TRAPPC13: variants seen among roughly 807,000 people sequenced by gnomAD.
TRAPPC13 encodes the protein trafficking protein particle complex subunit 13.
In TRAPPC13, 39 loss-of-function variants were observed where a neutral mutation model predicts 54.0. The ratio of observed to expected loss-of-function variants is 0.72; its 90% CI spans 0.56 to 0.94. The LOEUF is 0.94. TRAPPC13 is among the 40% of genes least tolerant of loss of function. The probability of loss-of-function intolerance (pLI) is 0.00; values close to 1 mark genes in which losing one functional copy is unlikely to be tolerated. For synonymous variants in TRAPPC13, 148 were observed against 167.7 expected, an observed-to-expected ratio of 0.88 and a Z score of 0.91; for missense variants, 386 against 488.1, an observed-to-expected ratio of 0.79 and a Z score of 1.97.
chr5:65,638,909 T>C (rs1179996620), intron 4 of TRAPPC13, among the ~76,000 whole-genome samples: 2 of 151,930 alleles, frequency 1.3e-5, no homozygotes, highest in Non-Finnish European at 2.9e-5. Context: ...CGTGGTGAAA[T>C]ACCATCTCTA....
At chr5:65,658,644 AGTTTCCACATACCCTC>A in intron 9 of TRAPPC13, 143 bp downstream of exon 9, 1 of 535,652 alleles carries the variant, frequency 1.9e-6, no homozygotes, top group Non-Finnish European at 2.9e-6. Flanking sequence ...CAGAAAGTAG[AGTTTCCACATACCCTC>A]TTCCACTCCT....
Position 65,660,734 on chromosome 5 carries a change from C to T in TRAPPC13, c.734C>T (p.Pro245Leu). ...TTTGGGTCAAGAGCATATTTGCAAC[C>T]AATGGATACACGCCAGTACTTATAC... ...STFGSRAYLQ[P>L]MDTRQYLYCL... Residue 245 changes from proline (P) to leucine (L), a missense_variant, in exon 10 of 13, where the codon CCA becomes CTA. Coordinates refer to ENST00000399438, the MANE Select transcript of TRAPPC13 (RefSeq NM_024941.4). 1 of 1,611,750 alleles carries T rather than the reference C, an allele frequency of 6.2e-7. No homozygotes were observed. The highest frequency in any genetic ancestry group is 8.5e-7 in the Non-Finnish European group (1 of 1,178,882).
intron 4 of TRAPPC13, among the ~76,000 whole-genome samples, chr5:65,642,070 C>G (rs1290285995): frequency 6.6e-6 from 1 of 152,078 alleles, no homozygotes; most frequent in Non-Finnish European, 1.5e-5. Flanking sequence ...CGCCTGTAAT[C>G]CCAGCACTTT....
intron 6 of TRAPPC13, among the ~76,000 whole-genome samples, chr5:65,651,239 T>C (rs370495863): frequency 2.0e-3 from 301 of 152,154 alleles, no homozygotes; most frequent in African/African-American, 6.6e-3. Context: ...CAACATGACC[T>C]AGGACTACAG....
chr5:65,649,134 T>C (rs1756323208), intron 5 of TRAPPC13, among the ~76,000 whole-genome samples: 1 of 152,162 alleles, frequency 6.6e-6, no homozygotes, highest in African/African-American at 2.4e-5. Flanking sequence ...GAGGATTGCT[T>C]GAGCCCAGGA....
chr5:65,659,781 C>G (rs894957639), intron 9 of TRAPPC13, among the ~76,000 whole-genome samples: 4 of 151,910 alleles, frequency 2.6e-5, no homozygotes, highest in African/African-American at 9.7e-5. Flanking sequence ...GCTATGAGTT[C>G]TAGACCAACC....
At chr5:65,657,755 C>T (rs933914063) in intron 8 of TRAPPC13, among the ~76,000 whole-genome samples, 1 of 152,164 alleles carries the variant, frequency 6.6e-6, no homozygotes, top group Non-Finnish European at 1.5e-5. Flanking sequence ...TTTAAAAGCT[C>T]TACGATGGTG....
At chr5:65,641,703 CCTGT>C (rs1459898072) in intron 4 of TRAPPC13, among the ~76,000 whole-genome samples, 3 of 132,536 alleles carry the variant, frequency 2.3e-5, no homozygotes, top group Non-Finnish European at 4.9e-5. Context: ...AGGGCAATAC[CCTGT>C]CTGAGAAAAA....
chr5:65,633,404 G>A (rs11743257), intron 1 of TRAPPC13, among the ~76,000 whole-genome samples: 28,868 of 151,674 alleles, frequency 0.19, 3,383 homozygotes, highest in South Asian at 0.31. Flanking sequence ...CTCAGCCTCT[G>A]CGAGTAGCTG....
At chr5:65,659,984 A>C in intron 9 of TRAPPC13, among the ~76,000 whole-genome samples, 1 of 149,880 alleles carries the variant, frequency 6.7e-6, no homozygotes, top group Non-Finnish European at 1.5e-5. Context: ...AAAAAAAAAA[A>C]AAAAAAGAAG....
intron 10 of TRAPPC13, 48 bp from the exon 11 acceptor site, chr5:65,662,001 GA>G: frequency 7.1e-7 from 1 of 1,405,082 alleles, no homozygotes; most frequent in Admixed American, 2.4e-5. Flanking sequence ...CATTAAAATG[GA>G]AAGGTTTTGT....
intron 1 of TRAPPC13, among the ~76,000 whole-genome samples, chr5:65,634,550 A>G (rs1212554472): frequency 6.6e-6 from 1 of 152,118 alleles, no homozygotes; most frequent in Non-Finnish European, 1.5e-5. Context: ...ATAAACGTAT[A>G]TGTTTTCTGA....
chr5:65,658,419 A>G lies in TRAPPC13; in HGVS notation c.616A>G (p.Met206Val), dbSNP rs1312624222. The G allele has an allele frequency of 1.3e-6, 2 of 1,596,562 alleles. No homozygotes were observed. Among genetic ancestry groups the G allele is most frequent in the Non-Finnish European group, 8.5e-7 (1 of 1,170,074 alleles). ...GATTCAGAATATGACAACCTCACCTATGTTTATGGAGAAGGTTTCACTGGA... is the reference window on the plus strand; with the variant it reads ...GATTCAGAATATGACAACCTCACCTGTGTTTATGGAGAAGGTTTCACTGGA... ...AQIQNMTTSP[M>V]FMEKVSLEPS... Residue 206 changes from methionine (M) to valine (V), a missense_variant, in exon 9 of 13, where the codon ATG (methionine) becomes GTG (valine). Coordinates refer to ENST00000399438, the MANE Select transcript of TRAPPC13 (RefSeq NM_024941.4).
In TRAPPC13 at chr5:65,636,186, C is replaced by G. The variant is rs546350721; in HGVS notation, c.215+143C>G. The G allele has an allele frequency of 2.4e-5, 14 of 590,832 alleles. No homozygotes were observed. The East Asian group carries it at 4.3e-4, about 18-fold the overall frequency. The allele number at this position is 590,832 out of a possible 1,614,324, so 36.6% of individuals were successfully genotyped here. On this transcript the variant is annotated intron_variant, in intron 3 of 12. Transcript: ENST00000399438. ...TGAGATGGAGTCTCGCTCTATTGCC[C>G]AGGCTGGAGTACAGTGGTGCCATTT...
At chr5:65,651,982 G>C (rs1230914168) in intron 6 of TRAPPC13, among the ~76,000 whole-genome samples, 1 of 148,588 alleles carries the variant, frequency 6.7e-6, no homozygotes, top group Non-Finnish European at 1.5e-5. Flanking sequence ...TCCTGCCTCA[G>C]CCTCCCGAGT....
intron 1 of TRAPPC13, among the ~76,000 whole-genome samples, chr5:65,627,959 T>G (rs1755327082): frequency 6.6e-6 from 1 of 152,194 alleles, no homozygotes; most frequent in Non-Finnish European, 1.5e-5. Context: ...ATACTCATGG[T>G]TATCCTAGCA....
intron 4 of TRAPPC13, among the ~76,000 whole-genome samples, chr5:65,645,081 C>A (rs1347653532): frequency 6.6e-6 from 1 of 151,316 alleles, no homozygotes; most frequent in African/African-American, 2.4e-5. Flanking sequence ...GCCTGTAATC[C>A]CAGCTACTCC....
intron 4 of TRAPPC13, among the ~76,000 whole-genome samples, chr5:65,645,097 C>G (rs755464004): frequency 3.5e-4 from 52 of 148,972 alleles, no homozygotes; most frequent in Non-Finnish European, 6.6e-4. Context: ...ACTCCGGAGG[C>G]TGAGGCAGGA....
chr5:65,626,855 C>T (rs1488879706), intron 1 of TRAPPC13, among the ~76,000 whole-genome samples: 2 of 149,166 alleles, frequency 1.3e-5, no homozygotes, highest in Non-Finnish European at 1.5e-5. Flanking sequence ...AATATTTAAG[C>T]AGCCTAAGCC....
Sources: allele counts gnomAD v4.1 joint callset (sites outside exome capture counted in the v4.1 genomes callset), GRCh38; gene constraint gnomAD v4.1.1; transcripts MANE v1.5; gene names NCBI Gene and HGNC (gene_info 2026-07-23, HGNC 2026-07-21).